Variants in VAMP7 observed in about 807,000 individuals in gnomAD.
VAMP7 encodes vesicle associated membrane protein 7.
VAMP7 carries 14 observed loss-of-function variants against 29.6 expected under a neutral mutation model. That is an observed-to-expected ratio of 0.47 (90% CI 0.31 to 0.74). The LOEUF is 0.74. Ranked by LOEUF, VAMP7 falls within the 30% of genes least tolerant of loss-of-function variation. The pLI, the probability that VAMP7 is intolerant of heterozygous loss-of-function variation, is 0.05. For missense variants in VAMP7, 223 were observed against 262.4 expected (o/e 0.85, Z 1.04); for synonymous variants, 95 against 88.1 (o/e 1.08, Z -0.44).
rs1436737060 is a variant in VAMP7, at chrX:155,942,525, C to G, written c.*574C>G. The G allele has an allele frequency of 4.5e-6, 1 of 223,108 alleles. No homozygotes were observed. Among genetic ancestry groups the G allele is most frequent in the East Asian group, 1.0e-4 (1 of 9,618 alleles). The allele number at this position is 223,108 out of a possible 1,614,324, so 13.8% of individuals were successfully genotyped here. ...AGTTAGATGGGGAACATTTTGCTAG[C>G]CCATTAGAAGCACACAGAATTATCC... On this transcript the variant is annotated 3_prime_UTR_variant, in exon 8 of 8. Coordinates refer to ENST00000286448, the MANE Select transcript of VAMP7 (RefSeq NM_005638.6).
intron 1 of VAMP7, among the ~76,000 whole-genome samples, chrX:155,886,726 T>C (rs1187915498): frequency 6.6e-6 from 1 of 152,222 alleles, no homozygotes; most frequent in Non-Finnish European, 1.5e-5. Context: ...ATTTTACATA[T>C]GTTCTAACCA....
rs371028112 is a variant in VAMP7 at position 155,900,486 on chromosome X, T to C, written c.343-11T>C. ...TCTAGGTACCATAAGTTAAAACTTA[T>C]TTTCTTATAGAAGCATCACTCTGAG... On this transcript the variant is annotated splice_polypyrimidine_tract_variant and intron_variant, in intron 4 of 7. Transcript: ENST00000286448. The C allele has an allele frequency of 1.1e-5, 18 of 1,594,312 alleles. No homozygotes were observed. Among genetic ancestry groups the C allele is most frequent in the Non-Finnish European group, 1.5e-5 (17 of 1,169,832 alleles).
At chrX:155,926,996 A>G (rs1239321887) in intron 6 of VAMP7, among the ~76,000 whole-genome samples, 1 of 152,216 alleles carries the variant, frequency 6.6e-6, no homozygotes, top group African/African-American at 2.4e-5. Flanking sequence ...ATGGCACCCG[A>G]AAACAATCAC....
intron 1 of VAMP7, among the ~76,000 whole-genome samples, chrX:155,884,807 C>G (rs2065847140): frequency 6.6e-6 from 1 of 152,208 alleles, no homozygotes; most frequent in Non-Finnish European, 1.5e-5. Context: ...CTTGGCCTTT[C>G]CCCTTACTCA....
Position 155,941,981 on chromosome X carries a change from A to G in VAMP7, c.*30A>G. 6.2e-7 allele frequency: 1 copy of G among 1,613,786 alleles called. No individual in the cohort carries two copies. Among genetic ancestry groups the G allele is most frequent in the South Asian group, 1.1e-5 (1 of 91,048 alleles). Reference sequence around the variant, plus strand: ...GAAGAAGTTACCATTAACCAAGGATATGAGAGAACAAGGAGTTAAAAGCAA... The same window carrying G: ...GAAGAAGTTACCATTAACCAAGGATGTGAGAGAACAAGGAGTTAAAAGCAA... On this transcript the variant is annotated 3_prime_UTR_variant, in exon 8 of 8. Transcript: ENST00000286448.
intron 6 of VAMP7, among the ~76,000 whole-genome samples, chrX:155,932,493 G>C (rs1011854712): frequency 6.6e-6 from 1 of 152,164 alleles, no homozygotes; most frequent in Admixed American, 6.5e-5. Context: ...GTTCACTCAT[G>C]ATTTGGCTCT....
intron 1 of VAMP7, among the ~76,000 whole-genome samples, chrX:155,889,134 A>G (rs899900303): frequency 2.6e-5 from 4 of 152,136 alleles, no homozygotes; most frequent in African/African-American, 9.7e-5. Flanking sequence ...TCCCTTTGCT[A>G]TCTATAGTCA....
In VAMP7 at chrX:155,929,042, C is replaced by G. The variant is rs767508633; in HGVS notation, c.501+9162C>G. On this transcript the variant is annotated intron_variant, in intron 6 of 7. Coordinates refer to ENST00000286448, the MANE Select transcript of VAMP7 (RefSeq NM_005638.6). ...TCAAGAATAAAAGTGTTATTTTGGT[C>G]TCATATTTGAACAATTTTTTGACTG... 2.0e-5 allele frequency among the ~76,000 whole-genome samples: 3 copies of G among 152,150 alleles called. No individual in the cohort carries two copies. The East Asian group carries it at 5.8e-4, about 29-fold the overall frequency.
chrX:155,894,719 G>A (rs984754056), intron 2 of VAMP7, among the ~76,000 whole-genome samples: 2 of 151,898 alleles, frequency 1.3e-5, no homozygotes, highest in Admixed American at 6.6e-5. Flanking sequence ...GGGTTCCAGC[G>A]ATCCTCCTGC....
chrX:155,941,961 A>T lies in VAMP7; in HGVS notation c.*10A>T. 1 of 1,613,826 alleles carries T rather than the reference A, an allele frequency of 6.2e-7. No homozygotes were observed. The highest frequency in any genetic ancestry group is 8.5e-7 in the Non-Finnish European group (1 of 1,179,834). On this transcript the variant is annotated 3_prime_UTR_variant, in exon 8 of 8. Transcript: ENST00000286448. ...CTGTGTGAAGAAATAGGAAAGAAGA[A>T]GTTACCATTAACCAAGGATATGAGA... is the stretch of plus-strand genomic sequence containing the variant.
rs138236953 is a variant in VAMP7 at position 155,916,342 on chromosome X, T to C, written c.434-3471T>C. 2.2e-3 allele frequency among the ~76,000 whole-genome samples: 329 copies of C among 152,340 alleles called. 4 individuals are homozygous for C. The highest frequency in any genetic ancestry group is 3.5e-3 in the Non-Finnish European group (241 of 68,026). On this transcript the variant is annotated intron_variant, in intron 5 of 7. Transcript: ENST00000286448. ...AGTCTGTGTCTTTTATTTGGGGCAT[T>C]TACCCCATTTACATTTAAGGTTAAT... is the stretch of plus-strand genomic sequence containing the variant.
At chrX:155,896,769 G>A (rs1355366571) in intron 3 of VAMP7, among the ~76,000 whole-genome samples, 1 of 152,100 alleles carries the variant, frequency 6.6e-6, no homozygotes, top group Non-Finnish European at 1.5e-5. Flanking sequence ...CTGCCTACTG[G>A]CAAAGAGACT....
intron 7 of VAMP7, among the ~76,000 whole-genome samples, chrX:155,940,687 C>T (rs368082711): frequency 4.3e-4 from 65 of 152,210 alleles, no homozygotes; most frequent in African/African-American, 1.5e-3. Flanking sequence ...TGTCACCTAA[C>T]GAGATGTACT....
At chrX:155,904,903 A>G (rs2066126475) in intron 5 of VAMP7, among the ~76,000 whole-genome samples, 2 of 83,780 alleles carry the variant, frequency 2.4e-5, no homozygotes, top group African/African-American at 6.0e-5. Flanking sequence ...TATATATTAT[A>G]TATTATATAT....
chrX:155,903,060 C>G (rs1228364404), intron 5 of VAMP7, among the ~76,000 whole-genome samples: 1 of 151,884 alleles, frequency 6.6e-6, no homozygotes, highest in African/African-American at 2.4e-5. Context: ...TGTTATTGGT[C>G]TATTCAGAGA....
chrX:155,940,419 C>G (rs2066726891), intron 7 of VAMP7, among the ~76,000 whole-genome samples: 1 of 152,124 alleles, frequency 6.6e-6, no homozygotes, highest in Non-Finnish European at 1.5e-5. Flanking sequence ...CTGGATTTAT[C>G]TAAAAGAGAA....
chrX:155,897,068 T>G (rs967183566), intron 3 of VAMP7, among the ~76,000 whole-genome samples: 6 of 152,062 alleles, frequency 3.9e-5, no homozygotes, highest in African/African-American at 1.2e-4. Context: ...ATAGTCTTGA[T>G]GTGATGGGTG....
Position 155,919,839 on chromosome X carries a change from T to C in VAMP7, c.460T>C (p.Leu154=). ...IDLVAQRGER[L]ELLIDKTENL... ...TCTGGTAGCTCAGCGAGGAGAAAGATTGGAATTATTGATTGACAAAACAGA... is the reference window on the plus strand; with the variant it reads ...TCTGGTAGCTCAGCGAGGAGAAAGACTGGAATTATTGATTGACAAAACAGA... The change falls in exon 6 of 8, where the codon TTG becomes CTG. Residue 154 remains leucine, a synonymous_variant. Transcript: ENST00000286448. The C allele has an allele frequency of 1.2e-6, 2 of 1,613,386 alleles. No homozygotes were observed. The highest frequency in any genetic ancestry group is 1.7e-6 in the Non-Finnish European group (2 of 1,179,656).
At chrX:155,937,813 A>G (rs930023170) in intron 6 of VAMP7, among the ~76,000 whole-genome samples, 3 of 152,102 alleles carry the variant, frequency 2.0e-5, no homozygotes, top group Non-Finnish European at 2.9e-5. Flanking sequence ...CCAGGCACAT[A>G]ATAAGCACAT....
Sources: gnomAD v4.1 joint callset for allele counts (sites outside exome capture counted in the v4.1 genomes callset) on GRCh38, gnomAD v4.1.1 for gene constraint, MANE v1.5 for transcripts, NCBI Gene and HGNC (gene_info 2026-07-23, HGNC 2026-07-21) for gene names.